LRRC53: variants seen among roughly 807,000 people sequenced by gnomAD.
The protein encoded by LRRC53 is leucine rich repeat containing 53, also known as leucine-rich repeat-containing protein 53.
A neutral mutation model predicts 13.6 loss-of-function variants in LRRC53; 25 were observed. The ratio of observed to expected loss-of-function variants is 1.83; its 90% confidence interval spans 1.34 to 2.56. LRRC53 has a LOEUF of 2.56. LRRC53 is among the 30% of genes most tolerant of loss of function. The pLI, the probability that LRRC53 is intolerant of heterozygous loss-of-function variation, is 0.00. For synonymous variants in LRRC53, 204 were observed against 109.8 expected, an observed-to-expected ratio of 1.86 and a Z score of -5.37; for missense variants, 527 against 275.8, an observed-to-expected ratio of 1.91 and a Z score of -6.45.
the LRRC53 span, among the ~76,000 whole-genome samples, chr1:74,527,506 G>A: frequency 1.3e-5 from 2 of 152,186 alleles, no homozygotes; most frequent in Non-Finnish European, 2.9e-5. Flanking sequence ...AAGCAGATGT[G>A]GGATTTATAA....
At chr1:74,487,504 T>C (rs1266701274) in intron 1 of LRRC53, among the ~76,000 whole-genome samples, 2 of 152,148 alleles carry the variant, frequency 1.3e-5, no homozygotes, top group Non-Finnish European at 2.9e-5. Context: ...CCAGGCAGAA[T>C]GGATTCAATA....
intron 1 of LRRC53, among the ~76,000 whole-genome samples, chr1:74,508,543 G>C (rs905562021): frequency 6.6e-6 from 1 of 152,194 alleles, no homozygotes. Flanking sequence ...AAAAGACAGA[G>C]AGAAAAGGGT....
At position 74,473,076 on chromosome 1, in the gene LRRC53, C is replaced by A. The variant is rs144298492; in HGVS notation, c.1421-875G>T. ...TCTTCTTAATGTCTGCCTCTAATCT[C>A]CTTTTACACATTAAATAATATTAAT... On this transcript the variant is annotated intron_variant, in intron 4 of 4. Coordinates refer to ENST00000294635, the MANE Select transcript of LRRC53 (RefSeq NM_001382280.1). Among the ~76,000 whole-genome samples the A allele has an allele frequency of 5.9e-4, 90 of 152,208 alleles. 2 individuals are homozygous for A. Among genetic ancestry groups the A allele is most frequent in the African/African-American group, 2.1e-3 (87 of 41,528 alleles).
At chr1:74,499,236 G>A (rs1352204347) in intron 1 of LRRC53, among the ~76,000 whole-genome samples, 1 of 152,092 alleles carries the variant, frequency 6.6e-6, no homozygotes, top group African/African-American at 2.4e-5. Flanking sequence ...ATTTTTCCTT[G>A]GCTCAAGCAA....
chr1:74,513,218 G>T (rs1042765584), upstream of LRRC53, among the ~76,000 whole-genome samples: 1 of 152,154 alleles, frequency 6.6e-6, no homozygotes, highest in Non-Finnish European at 1.5e-5. Flanking sequence ...AGGTCCACGT[G>T]TGCTTTCCTA....
intron 1 of LRRC53, among the ~76,000 whole-genome samples, chr1:74,486,844 G>T (rs1668793169): frequency 6.6e-6 from 1 of 152,064 alleles, no homozygotes; most frequent in Non-Finnish European, 1.5e-5. Flanking sequence ...AAAGCCAATT[G>T]AAAAACATGT....
chr1:74,531,568 A>T, the LRRC53 span, among the ~76,000 whole-genome samples: 2 of 152,198 alleles, frequency 1.3e-5, no homozygotes, highest in Non-Finnish European at 2.9e-5. Flanking sequence ...TTTCAGCTAA[A>T]TGCCAAAAGG....
At chr1:74,488,491 T>A (rs1370305669) in intron 1 of LRRC53, among the ~76,000 whole-genome samples, 2 of 152,214 alleles carry the variant, frequency 1.3e-5, no homozygotes, top group African/African-American at 2.4e-5. Context: ...AGTTTTAGGA[T>A]CTGACAAAAG....
chr1:74,502,653 T>C (rs1294357939), intron 1 of LRRC53, among the ~76,000 whole-genome samples: 2 of 152,198 alleles, frequency 1.3e-5, no homozygotes, highest in African/African-American at 4.8e-5. Context: ...TAGTGGAACA[T>C]ACTTCCCTCT....
At chr1:74,496,823 CA>C (rs964874849) in intron 1 of LRRC53, among the ~76,000 whole-genome samples, 3 of 152,156 alleles carry the variant, frequency 2.0e-5, no homozygotes, top group African/African-American at 7.2e-5. Context: ...GCTCCTCCCA[CA>C]GGGTATGAAA....
chr1:74,506,330 G>A (rs999625228), intron 1 of LRRC53, among the ~76,000 whole-genome samples: 1 of 152,150 alleles, frequency 6.6e-6, no homozygotes. Context: ...TTCTACAAAT[G>A]AGAAACTGAA....
chr1:74,509,220 G>A (rs1670058497), intron 1 of LRRC53, among the ~76,000 whole-genome samples: 2 of 152,112 alleles, frequency 1.3e-5, no homozygotes, highest in African/African-American at 4.8e-5. Flanking sequence ...ATTTGACAGT[G>A]TTGACCATTC....
chr1:74,534,183 T>C, the LRRC53 span, among the ~76,000 whole-genome samples: 7 of 150,448 alleles, frequency 4.7e-5, no homozygotes, highest in African/African-American at 1.7e-4. Context: ...CTGGGTCTCT[T>C]TATTTAAAAC....
intron 1 of LRRC53, among the ~76,000 whole-genome samples, chr1:74,493,494 T>A (rs768534208): frequency 4.6e-5 from 7 of 152,208 alleles, no homozygotes; most frequent in Non-Finnish European, 8.8e-5. Context: ...TCCCAATAGA[T>A]AGTCTCTTTG....
rs1213811000 is a variant in LRRC53, at chr1:74,492,252, T to C, written c.-26-8877A>G. 17 of 1,575,750 alleles carry C rather than the reference T, an allele frequency of 1.1e-5. No homozygotes were observed. In the East Asian group the frequency reaches 3.8e-4, roughly 36 times the overall value. On this transcript the variant is annotated intron_variant, in intron 1 of 4. Transcript: ENST00000294635. Reference sequence around the variant, plus strand: ...ATGCTCTAAATGCAAGGTCCTATGCTGCTTTGTCCCAAAGGTGAGTGGTAA... The same window carrying C: ...ATGCTCTAAATGCAAGGTCCTATGCCGCTTTGTCCCAAAGGTGAGTGGTAA...
At chr1:74,494,917 G>A (rs1669251028) in intron 1 of LRRC53, among the ~76,000 whole-genome samples, 1 of 152,144 alleles carries the variant, frequency 6.6e-6, no homozygotes, top group Non-Finnish European at 1.5e-5. Flanking sequence ...ACAATACACG[G>A]AGAGCTACAC....
At position 74,480,748 on chromosome 1, in the gene LRRC53, G is replaced by A. The variant is rs1668451881; in HGVS notation, c.309C>T (p.Phe103=). 1 of 717,518 alleles carries A rather than the reference G, an allele frequency of 1.4e-6. No homozygotes were observed. The highest frequency in any genetic ancestry group is 1.7e-5 in the African/African-American group (1 of 57,398). 44.4% of individuals were successfully genotyped at this position (717,518 alleles called of 1,614,324 possible). A position where few individuals can be genotyped will look rare whatever the true frequency, so the allele number is the denominator to read the frequency against. The change falls in exon 3 of 5, where the codon TTC becomes TTT. Residue 103 remains phenylalanine, a synonymous_variant. Coordinates refer to ENST00000294635, the MANE Select transcript of LRRC53 (RefSeq NM_001382280.1). The stretch of plus-strand genomic sequence containing the variant: ...GTACCTGCAGGCTGTGAAGCTTGCT[G>A]AAGGTGTGATCAGTGAGCGAAGAGC... ...ISSSSLTDHT[F]SKLHSLQVLV...
chr1:74,515,272 G>C (rs1646333154), upstream of LRRC53, among the ~76,000 whole-genome samples: 2 of 152,158 alleles, frequency 1.3e-5, no homozygotes, highest in Admixed American at 1.3e-4. Context: ...ACAAACTCCA[G>C]ACTGAATGTT....
At position 74,507,788 on chromosome 1, in the gene LRRC53, G is replaced by A. The variant is rs532431592; in HGVS notation, c.-27+4738C>T. Reference sequence around the variant, plus strand: ...CTATGGCATGAGCTACCGTCATCCAGGAACATGGGCTCTGAGACTTAGGAA... The same window carrying A: ...CTATGGCATGAGCTACCGTCATCCAAGAACATGGGCTCTGAGACTTAGGAA... On this transcript the variant is annotated intron_variant, in intron 1 of 4. Transcript: ENST00000294635. Among the ~76,000 whole-genome samples the A allele has an allele frequency of 2.0e-5, 3 of 152,276 alleles. No homozygotes were observed. The South Asian group carries it at 6.2e-4, about 32-fold the overall frequency.
Sources: gnomAD v4.1 joint callset for allele counts (sites outside exome capture counted in the v4.1 genomes callset) on GRCh38, gnomAD v4.1.1 for gene constraint, MANE v1.5 for transcripts, NCBI Gene and HGNC (gene_info 2026-07-23, HGNC 2026-07-21) for gene names.